The following MAP2K6 variants were observed in gnomAD, a reference collection of about 807,000 sequenced individuals.
MAP2K6 encodes the protein dual specificity mitogen-activated protein kinase kinase 6.
Under a neutral mutation model 53.7 loss-of-function variants are expected in MAP2K6, and 16 were observed. The ratio of observed to expected loss-of-function variants is 0.30; its 90% CI spans 0.20 to 0.45. The LOEUF (loss-of-function observed/expected upper bound fraction) is 0.45. MAP2K6 is among the 20% of genes least tolerant of loss of function. MAP2K6 has a pLI of 1.00. For missense variants in MAP2K6, 204 were observed against 411.9 expected (o/e 0.50, Z 4.37); for synonymous variants, 132 against 143.1 (o/e 0.92, Z 0.55).
At position 69,526,490 on chromosome 17, in the gene MAP2K6, C is replaced by T. The variant is rs1396763580; in HGVS notation, c.742-80C>T. 2.0e-6 allele frequency: 3 copies of T among 1,488,170 alleles called. No homozygotes were observed. The African/African-American group carries it at 4.2e-5, about 21-fold the overall frequency. 92.2% of individuals were successfully genotyped at this position (1,488,170 alleles called of 1,614,324 possible). On this transcript the variant is annotated intron_variant, in intron 9 of 11. Transcript: ENST00000590474. The stretch of plus-strand genomic sequence containing the variant: ...AACTTTGCCTTGTGTTTCCTGCTGT[C>T]TATCCACAAATGAAACGTGGGTGAT...
At chr17:69,502,564 G>A (rs745332358) in intron 1 of MAP2K6, 15 of 985,224 alleles carry the variant, frequency 1.5e-5, no homozygotes, top group Non-Finnish European at 1.8e-5. Context: ...GTTCTGAGGA[G>A]CTGATATACT....
rs1174777809 is a variant in MAP2K6, at chr17:69,524,759, GTCT to G, written c.664-137_664-135del. The G allele has an allele frequency of 2.4e-5, 13 of 544,800 alleles. No individual in the cohort carries two copies. The Admixed American group carries it at 2.8e-4, about 12-fold the overall frequency. The allele number at this position is 544,800 out of a possible 1,614,324, so 33.7% of individuals were successfully genotyped here. On this transcript the variant is annotated intron_variant, in intron 8 of 11. Coordinates refer to ENST00000590474, the MANE Select transcript of MAP2K6 (RefSeq NM_002758.4). ...ATTGATATTTGTTGTAGTTAACCGG[GTCT>G]TCTTGGCCTTGGTGGCATGTTAACA...
At chr17:69,453,101 G>A (rs964456713) in intron 1 of MAP2K6, among the ~76,000 whole-genome samples, 2 of 152,174 alleles carry the variant, frequency 1.3e-5, no homozygotes, top group Admixed American at 1.3e-4. Flanking sequence ...ACCTGATGAC[G>A]CAGAGCAGGA....
At chr17:69,475,521 C>G (rs1024066315) in intron 1 of MAP2K6, among the ~76,000 whole-genome samples, 3 of 152,122 alleles carry the variant, frequency 2.0e-5, no homozygotes, top group Non-Finnish European at 4.4e-5. Flanking sequence ...GTCACTGAGC[C>G]CTCTGAGAAA....
intron 1 of MAP2K6, among the ~76,000 whole-genome samples, chr17:69,440,984 G>GTA (rs566244759): frequency 6.6e-6 from 1 of 152,054 alleles, no homozygotes; most frequent in Non-Finnish European, 1.5e-5. Context: ...GCGTGAGTGT[G>GTA]TATATATGTG....
At chr17:69,456,846 G>C (rs1053226871) in intron 1 of MAP2K6, among the ~76,000 whole-genome samples, 2 of 152,130 alleles carry the variant, frequency 1.3e-5, no homozygotes, top group African/African-American at 4.8e-5. Flanking sequence ...CACTGCTGCT[G>C]ACTATCTTCC....
chr17:69,535,387 C>T (rs1292908032), intron 10 of MAP2K6, among the ~76,000 whole-genome samples: 3 of 152,060 alleles, frequency 2.0e-5, no homozygotes, highest in African/African-American at 7.2e-5. Context: ...GAGCCTAAGA[C>T]TTCGAGACCA....
chr17:69,450,466 C>T lies in MAP2K6; in HGVS notation c.16+35466C>T, dbSNP rs575179827. ...TCCCCTTGGACCAGCAAAAATTGCT[C>T]CTGTTTCCACAAGTGCTTTTTTCCT... On this transcript the variant is annotated intron_variant, in intron 1 of 11. Coordinates refer to ENST00000590474, the MANE Select transcript of MAP2K6 (RefSeq NM_002758.4). 2.0e-5 allele frequency among the ~76,000 whole-genome samples: 3 copies of T among 152,284 alleles called. No individual in the cohort carries two copies. The South Asian group carries it at 6.2e-4, about 32-fold the overall frequency.
At chr17:69,507,966 C>T (rs1909600540) in intron 2 of MAP2K6, among the ~76,000 whole-genome samples, 1 of 145,498 alleles carries the variant, frequency 6.9e-6, no homozygotes, top group South Asian at 2.2e-4. Flanking sequence ...TCTAGTTTTT[C>T]TGGATCTCTG....
chr17:69,467,712 A>C (rs1253459203), intron 1 of MAP2K6, among the ~76,000 whole-genome samples: 2 of 152,098 alleles, frequency 1.3e-5, no homozygotes, highest in Non-Finnish European at 2.9e-5. Flanking sequence ...GTTTTTATTC[A>C]GTCTTTTCCT....
intron 1 of MAP2K6, among the ~76,000 whole-genome samples, chr17:69,482,556 CT>C (rs1255154866): frequency 6.6e-6 from 1 of 151,076 alleles, no homozygotes; most frequent in African/African-American, 2.4e-5. Context: ...AATTTGTAGT[CT>C]TCTGCATCTT....
At chr17:69,455,278 T>C (rs1459209878) in intron 1 of MAP2K6, among the ~76,000 whole-genome samples, 1 of 152,178 alleles carries the variant, frequency 6.6e-6, no homozygotes, top group East Asian at 1.9e-4. Flanking sequence ...TTTATGAAGA[T>C]AACTGGATTT....
intron 1 of MAP2K6, among the ~76,000 whole-genome samples, chr17:69,416,056 A>G (rs2592207): frequency 0.38 from 58,516 of 152,008 alleles, 11,799 homozygotes; most frequent in Middle Eastern, 0.46. Flanking sequence ...TCTTTACCAT[A>G]GAGAAAGCAT....
intron 1 of MAP2K6, among the ~76,000 whole-genome samples, chr17:69,486,969 G>T (rs1908563002): frequency 6.6e-6 from 1 of 152,164 alleles, no homozygotes; most frequent in Non-Finnish European, 1.5e-5. Flanking sequence ...AAATATGTTG[G>T]GCAAAGGTCG....
At chr17:69,540,368 A>T (rs890715403) in intron 11 of MAP2K6, among the ~76,000 whole-genome samples, 1 of 152,206 alleles carries the variant, frequency 6.6e-6, no homozygotes, top group African/African-American at 2.4e-5. Flanking sequence ...GGGAGTGAGC[A>T]TGGGAGGTGA....
intron 1 of MAP2K6, among the ~76,000 whole-genome samples, chr17:69,469,234 AT>A (rs1907909169): frequency 1.3e-5 from 2 of 152,222 alleles, no homozygotes; most frequent in South Asian, 4.1e-4. Flanking sequence ...TTCTTCTCAC[AT>A]TGCATCTCTC....
intron 1 of MAP2K6, among the ~76,000 whole-genome samples, chr17:69,493,063 A>T (rs1199762339): frequency 6.6e-6 from 1 of 152,204 alleles, no homozygotes; most frequent in Non-Finnish European, 1.5e-5. Flanking sequence ...TGAATATTTC[A>T]TATATGTTTT....
chr17:69,490,577 G>A (rs535233084), intron 1 of MAP2K6, among the ~76,000 whole-genome samples: 32 of 152,220 alleles, frequency 2.1e-4, no homozygotes, highest in Admixed American at 1.2e-3. Context: ...GAAGGATGCT[G>A]CATTATTTCA....
chr17:69,528,356 G>A (rs1910892944), intron 10 of MAP2K6, among the ~76,000 whole-genome samples: 3 of 151,836 alleles, frequency 2.0e-5, no homozygotes. Context: ...AATAGTTGTT[G>A]GATGCCTCTT....
Sources: allele counts gnomAD v4.1 joint callset (sites outside exome capture counted in the v4.1 genomes callset), GRCh38; gene constraint gnomAD v4.1.1; transcripts MANE v1.5; gene names NCBI Gene and HGNC (gene_info 2026-07-23, HGNC 2026-07-21).